FOXP2: variants seen among roughly 807,000 people sequenced by gnomAD.
FOXP2 encodes forkhead box protein P2.
FOXP2 carries 12 observed loss-of-function variants against 115.8 expected under a neutral mutation model. The observed-to-expected ratio is 0.10, with a 90% CI of 0.07 to 0.17. The LOEUF (loss-of-function observed/expected upper bound fraction) is 0.17. FOXP2 is among the 10% of genes least tolerant of loss of function. The probability of loss-of-function intolerance (pLI) is 1.00; values close to 1 mark genes in which losing one functional copy is unlikely to be tolerated. For missense variants in FOXP2, 629 were observed against 843.5 expected, an observed-to-expected ratio of 0.75 and a Z score of 3.15; for synonymous variants, 328 against 297.7, an observed-to-expected ratio of 1.10 and a Z score of -1.05.
intron 2 of FOXP2, chr7:114,462,957 C>G (rs1273110963): frequency 6.4e-6 from 2 of 310,684 alleles, no homozygotes; most frequent in East Asian, 1.1e-4. Flanking sequence ...AAGAATCAAT[C>G]AATACATTAA....
In FOXP2 at chr7:114,126,039, C is replaced by T. The variant is rs189580120; in HGVS notation, c.-246-36905C>T. On this transcript the variant is annotated intron_variant, in intron 1 of 19. Coordinates refer to the FOXP2 transcript ENST00000635638. ...GGTAGTATGCTAGGTCTTAGGGTAACTTGAAGATGAGGACATAGTAATATT... is the reference window on the plus strand; with the variant it reads ...GGTAGTATGCTAGGTCTTAGGGTAATTTGAAGATGAGGACATAGTAATATT... Among the ~76,000 whole-genome samples, 8 of 152,138 alleles carry T rather than the reference C, an allele frequency of 5.3e-5. No homozygotes were observed. The East Asian group carries it at 1.4e-3, about 26-fold the overall frequency.
chr7:114,649,267 C>T (rs1036436109), intron 8 of FOXP2, among the ~76,000 whole-genome samples: 1 of 152,004 alleles, frequency 6.6e-6, no homozygotes, highest in Admixed American at 6.6e-5. Context: ...TTTGAAGCAG[C>T]CGTAATTTAT....
intron 1 of FOXP2, among the ~76,000 whole-genome samples, chr7:114,247,114 C>A (rs573676986): frequency 1.0e-3 from 153 of 152,180 alleles, no homozygotes; most frequent in African/African-American, 3.7e-3. Flanking sequence ...ATGATAAATT[C>A]TCCTCCAACT....
intron 1 of FOXP2, among the ~76,000 whole-genome samples, chr7:114,260,823 G>A (rs898964354): frequency 6.6e-6 from 1 of 151,878 alleles, no homozygotes; most frequent in African/African-American, 2.4e-5. Context: ...GAGCTGCACA[G>A]GTAAGTGTAT....
intron 3 of FOXP2, among the ~76,000 whole-genome samples, chr7:114,570,386 A>G (rs562122153): frequency 2.6e-5 from 4 of 152,016 alleles, no homozygotes; most frequent in Middle Eastern, 3.4e-3. Flanking sequence ...ACTGGTTACA[A>G]TTGATTACAA....
intron 2 of FOXP2, among the ~76,000 whole-genome samples, chr7:114,473,830 G>A (rs1390005633): frequency 6.6e-6 from 1 of 151,806 alleles, no homozygotes; most frequent in Non-Finnish European, 1.5e-5. Flanking sequence ...CTTTGAATCC[G>A]AGTAATTATC....
intron 1 of FOXP2, among the ~76,000 whole-genome samples, chr7:114,182,139 T>A (rs926002575): frequency 6.6e-6 from 1 of 152,078 alleles, no homozygotes; most frequent in Non-Finnish European, 1.5e-5. Flanking sequence ...AATATCTAGT[T>A]CTACTTGATA....
At chr7:114,396,155 C>T (rs1792732489) in intron 2 of FOXP2, among the ~76,000 whole-genome samples, 1 of 151,808 alleles carries the variant, frequency 6.6e-6, no homozygotes, top group South Asian at 2.1e-4. Context: ...CATCTTCCCC[C>T]ACAACCCCTC....
intron 1 of FOXP2, among the ~76,000 whole-genome samples, chr7:114,107,616 G>A (rs1017872611): frequency 1.3e-5 from 2 of 151,960 alleles, no homozygotes; most frequent in African/African-American, 2.4e-5. Flanking sequence ...TGTGCTCAGT[G>A]GAAGAAAGGT....
At chr7:114,096,507 T>A (rs1235734569) in intron 1 of FOXP2, among the ~76,000 whole-genome samples, 1 of 152,188 alleles carries the variant, frequency 6.6e-6, no homozygotes, top group East Asian at 1.9e-4. Flanking sequence ...TTCAAAATAT[T>A]CTACACACAG....
At chr7:114,393,553 CT>C (rs1792661857) in intron 2 of FOXP2, among the ~76,000 whole-genome samples, 1 of 151,936 alleles carries the variant, frequency 6.6e-6, no homozygotes, top group Non-Finnish European at 1.5e-5. Flanking sequence ...AGGGGGCGTC[CT>C]TATGGGGTAG....
chr7:114,532,423 T>G (rs2129276170), intron 2 of FOXP2, among the ~76,000 whole-genome samples: 1 of 152,018 alleles, frequency 6.6e-6, no homozygotes, highest in South Asian at 2.1e-4. Context: ...ACTAGAGTCT[T>G]ACTCATTGCC....
At chr7:114,379,734 G>A (rs1792234238) in intron 2 of FOXP2, among the ~76,000 whole-genome samples, 2 of 152,102 alleles carry the variant, frequency 1.3e-5, no homozygotes, top group Admixed American at 1.3e-4. Flanking sequence ...GCAGTGTAGG[G>A]GATTATTTCT....
At chr7:114,512,194 A>G (rs1020899812) in intron 2 of FOXP2, among the ~76,000 whole-genome samples, 5 of 152,190 alleles carry the variant, frequency 3.3e-5, no homozygotes, top group African/African-American at 9.6e-5. Flanking sequence ...AGACCTTCTC[A>G]AAGTGAACAG....
intron 1 of FOXP2, among the ~76,000 whole-genome samples, chr7:114,422,230 T>C (rs1304735163): frequency 6.6e-6 from 1 of 151,746 alleles, no homozygotes; most frequent in Admixed American, 6.6e-5. Context: ...ACATAAAGTG[T>C]CTTTCAAGGT....
intron 10 of FOXP2, among the ~76,000 whole-genome samples, chr7:114,657,122 T>C (rs893886457): frequency 1.3e-5 from 2 of 152,170 alleles, no homozygotes; most frequent in African/African-American, 4.8e-5. Flanking sequence ...TGTGCTGCCC[T>C]GCGTAAAAAT....
intron 2 of FOXP2, among the ~76,000 whole-genome samples, chr7:114,308,742 T>C (rs1797073736): frequency 6.6e-6 from 1 of 152,168 alleles, no homozygotes; most frequent in Non-Finnish European, 1.5e-5. Flanking sequence ...CAATAAAAGA[T>C]GTAGAATTGT....
intron 3 of FOXP2, among the ~76,000 whole-genome samples, chr7:114,579,882 G>A (rs76667422): frequency 6.6e-6 from 1 of 152,112 alleles, no homozygotes; most frequent in Admixed American, 6.6e-5. Context: ...ATGAAAATGG[G>A]AAATACGTAA....
At chr7:114,646,184 A>G (rs1227813770) in intron 8 of FOXP2, among the ~76,000 whole-genome samples, 1 of 151,318 alleles carries the variant, frequency 6.6e-6, no homozygotes, top group South Asian at 2.1e-4. Flanking sequence ...ATTCCTTGTC[A>G]TTGAAATTAT....
Sources: allele counts gnomAD v4.1 joint callset (sites outside exome capture counted in the v4.1 genomes callset), GRCh38; gene constraint gnomAD v4.1.1; transcripts MANE v1.5; gene names NCBI Gene and HGNC (gene_info 2026-07-23, HGNC 2026-07-21).